Variants in MBD5 observed in about 807,000 individuals in gnomAD.
MBD5 encodes methyl-CpG-binding domain protein 5.
MBD5 carries 13 observed loss-of-function variants against 117.3 expected under a neutral mutation model. The ratio of observed to expected loss-of-function variants is 0.11; its 90% CI spans 0.07 to 0.18. MBD5 has a LOEUF of 0.18. MBD5 is among the 10% of genes least tolerant of loss of function. MBD5 has a pLI of 1.00. For missense variants in MBD5, 1,879 were observed against 2,093.8 expected (o/e 0.90, Z 2.00); for synonymous variants, 727 against 766.4 (o/e 0.95, Z 0.85).
chr2:148,322,119 G>A (rs1418573121), intron 3 of MBD5, among the ~76,000 whole-genome samples: 2 of 152,158 alleles, frequency 1.3e-5, no homozygotes, highest in Admixed American at 1.3e-4. Context: ...TAGGCTAGCC[G>A]AGAAGGCAGA....
At chr2:148,147,355 GC>G (rs1320530086) in intron 1 of MBD5, among the ~76,000 whole-genome samples, 1 of 151,492 alleles carries the variant, frequency 6.6e-6, no homozygotes, top group Non-Finnish European at 1.5e-5. Flanking sequence ...CGATTCTGTT[GC>G]CTCAGCCCCC....
intron 2 of MBD5, among the ~76,000 whole-genome samples, chr2:148,216,649 AAG>A (rs1699563022): frequency 6.6e-6 from 1 of 152,180 alleles, no homozygotes; most frequent in Admixed American, 6.5e-5. Context: ...CCTTCTCCCC[AAG>A]AGGTGGGCAG....
chr2:148,115,707 A>G (rs1324365316), intron 1 of MBD5, among the ~76,000 whole-genome samples: 3 of 152,032 alleles, frequency 2.0e-5, no homozygotes, highest in African/African-American at 7.2e-5. Flanking sequence ...TTTACATTTT[A>G]TATTTTCATT....
chr2:148,237,224 C>T (rs1393464269), intron 3 of MBD5, among the ~76,000 whole-genome samples: 2 of 152,194 alleles, frequency 1.3e-5, no homozygotes, highest in Non-Finnish European at 2.9e-5. Context: ...ACCATAGTAG[C>T]ACTTTTAATT....
At chr2:148,254,666 T>G (rs2106262369) in intron 3 of MBD5, among the ~76,000 whole-genome samples, 1 of 152,196 alleles carries the variant, frequency 6.6e-6, no homozygotes, top group African/African-American at 2.4e-5. Context: ...CATAAACTCC[T>G]AAGGGGGCAC....
At chr2:148,495,146 C>T (rs1193766078) in intron 11 of MBD5, among the ~76,000 whole-genome samples, 1 of 152,116 alleles carries the variant, frequency 6.6e-6, no homozygotes, top group Non-Finnish European at 1.5e-5. Context: ...GACAGATTCA[C>T]TTCCAGATCT....
chr2:148,274,379 GC>G (rs1303952572), intron 3 of MBD5, among the ~76,000 whole-genome samples: 2 of 131,910 alleles, frequency 1.5e-5, no homozygotes, highest in African/African-American at 5.8e-5. Context: ...TCCCTCCCCA[GC>G]CCCCCACCCC....
chr2:148,063,128 A>G (rs1056635820), intron 1 of MBD5, among the ~76,000 whole-genome samples: 2 of 152,114 alleles, frequency 1.3e-5, no homozygotes, highest in Non-Finnish European at 2.9e-5. Context: ...AAAACTACAA[A>G]TGTTTTTCAA....
At chr2:148,174,813 TTGA>T (rs1335246616) in intron 1 of MBD5, among the ~76,000 whole-genome samples, 1 of 151,840 alleles carries the variant, frequency 6.6e-6, no homozygotes, top group African/African-American at 2.4e-5. Flanking sequence ...ATAACAAATG[TTGA>T]TGACGATGTA....
At chr2:148,409,010 G>A (rs550422134) in intron 4 of MBD5, among the ~76,000 whole-genome samples, 1 of 152,184 alleles carries the variant, frequency 6.6e-6, no homozygotes, top group East Asian at 1.9e-4. Context: ...CATGGATTTT[G>A]TTATTCATGG....
At chr2:148,165,858 TAA>T (rs1698115058) in intron 1 of MBD5, among the ~76,000 whole-genome samples, 1 of 152,124 alleles carries the variant, frequency 6.6e-6, no homozygotes, top group Non-Finnish European at 1.5e-5. Context: ...TGTTAAGCCT[TAA>T]ATCACTCATA....
At chr2:148,373,142 A>T (rs1703901409) in intron 4 of MBD5, among the ~76,000 whole-genome samples, 1 of 152,178 alleles carries the variant, frequency 6.6e-6, no homozygotes, top group African/African-American at 2.4e-5. Flanking sequence ...TGAAAAATTG[A>T]AAGTCAGTTC....
chr2:148,308,502 T>C (rs552710818), intron 3 of MBD5, among the ~76,000 whole-genome samples: 2,227 of 134,616 alleles, frequency 0.017, 91 homozygotes, highest in Admixed American at 0.074. Flanking sequence ...TTTTTTTTTT[T>C]TTTTTTTTTT....
chr2:148,235,848 G>T (rs1392963771), intron 3 of MBD5, among the ~76,000 whole-genome samples: 2 of 152,154 alleles, frequency 1.3e-5, no homozygotes, highest in Non-Finnish European at 2.9e-5. Context: ...TTCCAGGCTG[G>T]AGTCCAGTGG....
chr2:148,173,574 T>C (rs966800135), intron 1 of MBD5, among the ~76,000 whole-genome samples: 9 of 152,146 alleles, frequency 5.9e-5, no homozygotes, highest in Non-Finnish European at 8.8e-5. Flanking sequence ...AAGGCGCCAC[T>C]AGCCACAGAG....
chr2:148,339,354 C>G (rs1702880741), intron 3 of MBD5, among the ~76,000 whole-genome samples: 1 of 152,104 alleles, frequency 6.6e-6, no homozygotes, highest in African/African-American at 2.4e-5. Context: ...GAGTGGCCCT[C>G]AAGTCTCCAA....
chr2:148,385,114 G>A (rs1054491536), intron 4 of MBD5, among the ~76,000 whole-genome samples: 1 of 151,986 alleles, frequency 6.6e-6, no homozygotes, highest in Non-Finnish European at 1.5e-5. Context: ...TTGACAAATG[G>A]GATCTAATCA....
chr2:148,052,209 T>TTTTTG (rs1553467268), intron 1 of MBD5, among the ~76,000 whole-genome samples: 6 of 134,036 alleles, frequency 4.5e-5, no homozygotes, highest in African/African-American at 1.7e-4. Context: ...TTATTGAGTT[T>TTTTTG]TTTTTTTTTT....
chr2:148,259,592 G>A (rs1700683162), intron 3 of MBD5, among the ~76,000 whole-genome samples: 1 of 152,168 alleles, frequency 6.6e-6, no homozygotes, highest in Non-Finnish European at 1.5e-5. Context: ...TGAGTGGCAG[G>A]TAGCAGGAAA....
Sources: allele counts gnomAD v4.1 joint callset (sites outside exome capture counted in the v4.1 genomes callset), GRCh38; gene constraint gnomAD v4.1.1; transcripts MANE v1.5; gene names NCBI Gene and HGNC (gene_info 2026-07-23, HGNC 2026-07-21).